XKR9: variants seen among roughly 807,000 people sequenced by gnomAD.
The protein encoded by XKR9 is XK related 9.
In XKR9, 32 loss-of-function variants were observed where a neutral mutation model predicts 32.0. That is an observed-to-expected ratio of 1.00 (90% CI 0.76 to 1.34). The LOEUF (loss-of-function observed/expected upper bound fraction) is 1.34. Ranked by LOEUF, XKR9 falls within the 40% of genes most tolerant of loss-of-function variation. XKR9 has a pLI of 0.00. For synonymous variants in XKR9, 168 were observed against 143.4 expected (o/e 1.17, Z -1.22); for missense variants, 546 against 429.7 (o/e 1.27, Z -2.39).
At chr8:71,038,292 T>C in the XKR9 span, among the ~76,000 whole-genome samples, 1 of 124,980 alleles carries the variant, frequency 8.0e-6, no homozygotes, top group African/African-American at 3.3e-5. Flanking sequence ...TTCTTTTCTC[T>C]CTCTCTCTCT....
the XKR9 span, among the ~76,000 whole-genome samples, chr8:70,906,898 T>C: frequency 0.017 from 2,557 of 152,280 alleles, 59 homozygotes; most frequent in African/African-American, 0.058. Context: ...TTATATATAG[T>C]AACATTCATT....
At chr8:70,936,101 G>T in the XKR9 span, among the ~76,000 whole-genome samples, 2 of 151,894 alleles carry the variant, frequency 1.3e-5, no homozygotes, top group Non-Finnish European at 2.9e-5. Context: ...AGCTCTGGAG[G>T]CTTAGTCATA....
intron 2 of XKR9, among the ~76,000 whole-genome samples, chr8:70,787,622 G>C (rs1207257279): frequency 2.6e-5 from 4 of 152,062 alleles, no homozygotes; most frequent in Non-Finnish European, 5.9e-5. Context: ...TGGTTACTGA[G>C]CATATTTAAA....
the XKR9 span, among the ~76,000 whole-genome samples, chr8:70,979,288 G>C: frequency 6.6e-6 from 1 of 152,222 alleles, no homozygotes; most frequent in African/African-American, 2.4e-5. Flanking sequence ...TGCTGGCGAG[G>C]AGCTGCAATC....
intron 2 of XKR9, among the ~76,000 whole-genome samples, chr8:70,772,683 G>A (rs985595538): frequency 5.3e-5 from 8 of 151,892 alleles, no homozygotes; most frequent in Non-Finnish European, 1.2e-4. Flanking sequence ...AAATACCATG[G>A]CAACTTTTAA....
chr8:70,836,638 T>TA, the XKR9 span, among the ~76,000 whole-genome samples: 3 of 152,200 alleles, frequency 2.0e-5, no homozygotes, highest in East Asian at 5.8e-4. Context: ...GCTTAGTTAT[T>TA]ACAAATAACA....
the XKR9 span, among the ~76,000 whole-genome samples, chr8:70,965,769 G>A: frequency 6.6e-6 from 1 of 152,080 alleles, no homozygotes; most frequent in South Asian, 2.1e-4. Context: ...TTTAGTAGTT[G>A]GTTGTATTTC....
At chr8:70,737,309 C>T (rs1229039461), downstream of XKR9, among the ~76,000 whole-genome samples, 35 of 146,472 alleles carry the variant, frequency 2.4e-4, no homozygotes, top group Non-Finnish European at 4.7e-4. Flanking sequence ...GATTTTTGTA[C>T]ATTGATTTTG....
the XKR9 span, among the ~76,000 whole-genome samples, chr8:70,839,238 G>T: frequency 6.6e-6 from 1 of 152,104 alleles, no homozygotes; most frequent in Non-Finnish European, 1.5e-5. Context: ...TGTCTTGAAG[G>T]ACTGGATTTG....
the XKR9 span, among the ~76,000 whole-genome samples, chr8:70,835,968 T>A: frequency 6.6e-6 from 1 of 152,102 alleles, no homozygotes; most frequent in Non-Finnish European, 1.5e-5. Flanking sequence ...AAATTTTAAA[T>A]ATACAGGAAA....
chr8:70,836,415 T>A, the XKR9 span, among the ~76,000 whole-genome samples: 1 of 152,032 alleles, frequency 6.6e-6, no homozygotes, highest in Non-Finnish European at 1.5e-5. Context: ...AGTTTGTCAG[T>A]TCTAGATATA....
the XKR9 span, among the ~76,000 whole-genome samples, chr8:71,009,351 C>T: frequency 6.6e-6 from 1 of 152,012 alleles, no homozygotes; most frequent in African/African-American, 2.4e-5. Context: ...GTTTTTTGCT[C>T]ATGAGCTATC....
the XKR9 span, among the ~76,000 whole-genome samples, chr8:70,973,248 G>A: frequency 1.3e-5 from 2 of 151,752 alleles, no homozygotes; most frequent in Admixed American, 1.3e-4. Flanking sequence ...TAGTATGTAT[G>A]TAAAGGTGTT....
the XKR9 span, among the ~76,000 whole-genome samples, chr8:70,913,707 A>T: frequency 6.6e-6 from 1 of 152,140 alleles, no homozygotes; most frequent in East Asian, 1.9e-4. Context: ...TAAGAAATAG[A>T]ATATTATTCA....
the XKR9 span, among the ~76,000 whole-genome samples, chr8:70,800,189 C>A: frequency 6.6e-6 from 1 of 152,186 alleles, no homozygotes; most frequent in Non-Finnish European, 1.5e-5. Flanking sequence ...GTTGAACCGA[C>A]CTTGCATCCC....
chr8:70,800,440 G>C, the XKR9 span, among the ~76,000 whole-genome samples: 1 of 152,116 alleles, frequency 6.6e-6, no homozygotes, highest in South Asian at 2.1e-4. Flanking sequence ...AGGAAAGGTA[G>C]CAGCTCTTTT....
chr8:70,805,930 T>C, the XKR9 span, among the ~76,000 whole-genome samples: 1 of 152,252 alleles, frequency 6.6e-6, no homozygotes, highest in South Asian at 2.1e-4. Context: ...ATGGGTCCTG[T>C]TCCCCGTGCC....
At chr8:70,889,336 A>G in the XKR9 span, among the ~76,000 whole-genome samples, 1 of 151,700 alleles carries the variant, frequency 6.6e-6, no homozygotes, top group Non-Finnish European at 1.5e-5. Context: ...TGTCAGTTCT[A>G]AGAGTTTTGG....
At position 70,734,399 on chromosome 8, in the gene XKR9, G is replaced by T; in HGVS notation, c.1097G>T (p.Arg366Ile). 1 of 1,594,716 alleles carries T rather than the reference G, an allele frequency of 6.3e-7. No homozygotes were observed. The highest frequency in any genetic ancestry group is 1.1e-5 in the South Asian group (1 of 87,888). The stretch of plus-strand genomic sequence containing the variant: ...GGAAAACCAGTTCTAAGAGAATGTA[G>T]AATGAGATATTTCCTAATGGAATAA... Reference protein sequence around the residue: ...IDGKPVLRECRMRYFLME With the variant: ...IDGKPVLRECIMRYFLME Residue 366 changes from arginine to isoleucine, a missense_variant, in exon 5 of 5, where the codon AGA becomes ATA. By Grantham distance (97) the Arg-to-Ile change is moderately conservative. Coordinates refer to ENST00000408926, the MANE Select transcript of XKR9 (RefSeq NM_001011720.2).
Sources: allele counts gnomAD v4.1 joint callset (sites outside exome capture counted in the v4.1 genomes callset), GRCh38; gene constraint gnomAD v4.1.1; transcripts MANE v1.5; gene names NCBI Gene and HGNC (gene_info 2026-07-23, HGNC 2026-07-21).